Variants in ESCO2 observed in about 807,000 individuals in gnomAD.
The protein encoded by ESCO2 is N-acetyltransferase ESCO2.
ESCO2 carries 51 observed loss-of-function variants against 61.7 expected under a neutral mutation model. The observed-to-expected ratio is 0.83, with a 90% confidence interval of 0.66 to 1.04. The LOEUF (loss-of-function observed/expected upper bound fraction) is 1.04. ESCO2 is among the 50% of genes least tolerant of loss of function. ESCO2 has a pLI of 0.00. For synonymous variants in ESCO2, 230 were observed against 238.2 expected (o/e 0.97, Z 0.32); for missense variants, 692 against 686.2 (o/e 1.01, Z -0.09).
chr8:27,772,776 C>T, upstream of ESCO2: 4 of 551,826 alleles, frequency 7.2e-6, no homozygotes, highest in Non-Finnish European at 1.3e-5. Context: ...AGAGGCTGGG[C>T]ATCTTGGGCA....
downstream of ESCO2, among the ~76,000 whole-genome samples, chr8:27,807,567 T>G (rs1290271033): frequency 2.0e-5 from 3 of 152,242 alleles, no homozygotes; most frequent in East Asian, 5.8e-4. Context: ...CTGTAGGATC[T>G]GTAGTAAAGG....
chr8:27,799,107 T>G (rs923649463), intron 9 of ESCO2, among the ~76,000 whole-genome samples: 26 of 151,186 alleles, frequency 1.7e-4, no homozygotes, highest in Non-Finnish European at 3.1e-4. Context: ...GTGGTTTTTT[T>G]CAACTTCTTA....
downstream of ESCO2, among the ~76,000 whole-genome samples, chr8:27,807,659 A>C (rs1229421517): frequency 6.6e-6 from 1 of 152,098 alleles, no homozygotes; most frequent in Non-Finnish European, 1.5e-5. Context: ...ATTTTTGAAG[A>C]TTGGCATTGT....
downstream of ESCO2, among the ~76,000 whole-genome samples, chr8:27,815,980 A>G (rs1223023026): frequency 6.6e-6 from 1 of 152,162 alleles, no homozygotes; most frequent in Non-Finnish European, 1.5e-5. Flanking sequence ...ATTTCCCTTT[A>G]CTACATTCAA....
chr8:27,773,627 T>A (rs904450990), upstream of ESCO2: 1 of 152,160 alleles, frequency 6.6e-6, no homozygotes, highest in Non-Finnish European at 1.5e-5. Context: ...AGGGCGTCAC[T>A]TAACGAAATT....
intron 9 of ESCO2, among the ~76,000 whole-genome samples, chr8:27,794,260 G>A (rs1482203502): frequency 6.6e-6 from 1 of 152,144 alleles, no homozygotes; most frequent in African/African-American, 2.4e-5. Context: ...CTCAGAAGTG[G>A]GATTGCTGCA....
At chr8:27,809,343 T>G (rs548413911), downstream of ESCO2, among the ~76,000 whole-genome samples, 37 of 152,340 alleles carry the variant, frequency 2.4e-4, no homozygotes, top group Admixed American at 6.5e-4. Flanking sequence ...TTCTAGGCAT[T>G]TTTAAAGTTC....
chr8:27,775,151 G>A (rs1428309284), intron 1 of ESCO2, among the ~76,000 whole-genome samples: 2 of 152,186 alleles, frequency 1.3e-5, no homozygotes, highest in South Asian at 2.1e-4. Context: ...GGAAGCAAAC[G>A]GCTTGCTCCG....
intron 10 of ESCO2, among the ~76,000 whole-genome samples, chr8:27,802,692 A>ATT (rs74962285): frequency 2.8e-4 from 34 of 119,512 alleles, no homozygotes; most frequent in Admixed American, 4.8e-4. Flanking sequence ...CTTAAGATTG[A>ATT]TTTTTTTTGG....
the ESCO2 span, among the ~76,000 whole-genome samples, chr8:27,819,093 T>G: frequency 6.6e-6 from 1 of 152,200 alleles, no homozygotes; most frequent in Admixed American, 6.5e-5. Context: ...ATCGCTTTAA[T>G]TACTGTAGCT....
In ESCO2 at chr8:27,799,686, G is replaced by A. The variant is rs756989789; in HGVS notation, c.1643G>A (p.Arg548His). The A allele has an allele frequency of 4.3e-6, 7 of 1,613,892 alleles. No homozygotes were observed. The highest frequency in any genetic ancestry group is 1.7e-4 in the Middle Eastern group (1 of 6,060). The change falls in exon 10 of 11, where the codon CGC (arginine) becomes CAC (histidine). Residue 548 changes from arginine to histidine, a missense_variant. Coordinates refer to ENST00000305188, the MANE Select transcript of ESCO2 (RefSeq NM_001017420.3). ...IWVFRLKRRK[R>H]IARRLVDTLR... ...GTTTTCAGACTGAAGAGAAGAAAGC[G>A]CATTGCAAGACGACTGGTTGATACC... is the stretch of plus-strand genomic sequence containing the variant.
At chr8:27,786,985 C>T (rs935801508) in intron 5 of ESCO2, among the ~76,000 whole-genome samples, 1 of 151,946 alleles carries the variant, frequency 6.6e-6, no homozygotes, top group African/African-American at 2.4e-5. Context: ...ACAGAACCAG[C>T]AGGCTGGGTG....
upstream of ESCO2, chr8:27,773,731 T>G (rs1384255230): frequency 6.6e-6 from 1 of 152,196 alleles, no homozygotes. Flanking sequence ...CATACAAATT[T>G]GTGAAAATTA....
the ESCO2 span, among the ~76,000 whole-genome samples, chr8:27,818,034 G>C: frequency 1.3e-5 from 2 of 152,132 alleles, no homozygotes; most frequent in Non-Finnish European, 2.9e-5. Flanking sequence ...TACTGTATTG[G>C]ACAGTACCAC....
intron 10 of ESCO2, among the ~76,000 whole-genome samples, chr8:27,801,043 C>T (rs1199920364): frequency 6.6e-6 from 1 of 152,094 alleles, no homozygotes; most frequent in Non-Finnish European, 1.5e-5. Flanking sequence ...TGTTAATATA[C>T]ACAAAACCAC....
intron 9 of ESCO2, among the ~76,000 whole-genome samples, chr8:27,796,746 AAG>A (rs1805305458): frequency 6.6e-6 from 1 of 152,192 alleles, no homozygotes; most frequent in South Asian, 2.1e-4. Context: ...TGCACTTGAA[AAG>A]AGTGTGCATT....
chr8:27,808,266 T>C (rs776038447), downstream of ESCO2: 2 of 1,171,582 alleles, frequency 1.7e-6, no homozygotes, highest in Non-Finnish European at 2.2e-6. Flanking sequence ...AGCTGCTGAT[T>C]ATCTCCTTTT....
At chr8:27,798,365 C>T (rs1805349317) in intron 9 of ESCO2, among the ~76,000 whole-genome samples, 1 of 151,902 alleles carries the variant, frequency 6.6e-6, no homozygotes, top group South Asian at 2.1e-4. Context: ...GAGGTTGAGG[C>T]AGGAGAATCA....
chr8:27,780,168 T>A lies in ESCO2; in HGVS notation c.862-6T>A. ...TGTTTGGTTTTTTTTTTAAACCTAT[T>A]TTCAGGATTCATCAGATGACAGAGT... On this transcript the variant is annotated splice_region_variant and splice_polypyrimidine_tract_variant and intron_variant, in intron 3 of 10. Transcript: ENST00000305188. The A allele has an allele frequency of 6.3e-7, 1 of 1,582,358 alleles. No individual in the cohort carries two copies. Among genetic ancestry groups the A allele is most frequent in the Non-Finnish European group, 8.7e-7 (1 of 1,153,710 alleles).
Sources: gnomAD v4.1 joint callset for allele counts (sites outside exome capture counted in the v4.1 genomes callset) on GRCh38, gnomAD v4.1.1 for gene constraint, MANE v1.5 for transcripts, NCBI Gene and HGNC (gene_info 2026-07-23, HGNC 2026-07-21) for gene names.